TNFRSF14: variants seen among roughly 807,000 people sequenced by gnomAD.
TNFRSF14 encodes TNF receptor superfamily member 14, also known as tumor necrosis factor receptor superfamily member 14.
In TNFRSF14, 18 loss-of-function variants were observed where a neutral mutation model predicts 34.1. The observed-to-expected ratio is 0.53, with a 90% CI of 0.36 to 0.78. The LOEUF (loss-of-function observed/expected upper bound fraction) is 0.78, where lower values mean the gene tolerates loss of function less well. Among genes scored for constraint, TNFRSF14 ranks in the 30% least tolerant of loss-of-function variants. TNFRSF14 has a pLI of 0.00. For synonymous variants in TNFRSF14, 157 were observed against 153.2 expected (o/e 1.02, Z -0.18); for missense variants, 352 against 379.5 (o/e 0.93, Z 0.60).
At chr1:2,557,071 C>T (rs986015646) in intron 1 of TNFRSF14, 14 of 341,172 alleles carry the variant, frequency 4.1e-5, no homozygotes, top group African/African-American at 6.3e-5. Flanking sequence ...GCGGGGCCCT[C>T]GAGCAGGTGA....
Position 2,562,905 on chromosome 1 carries a change from C to A in TNFRSF14, c.726+9C>A, listed in dbSNP as rs762418006. Reference sequence around the variant, plus strand: ...TGATCGTCTCCGTCCAGGTATTGATCCTCCTCCCCCTCTCCCTCCCCCCTC... The same window carrying A: ...TGATCGTCTCCGTCCAGGTATTGATACTCCTCCCCCTCTCCCTCCCCCCTC... On this transcript the variant is annotated intron_variant, in intron 7 of 7. Transcript: ENST00000355716. 1.6e-5 allele frequency: 25 copies of A among 1,612,888 alleles called. No individual in the cohort carries two copies. Among genetic ancestry groups the A allele is most frequent in the Non-Finnish European group, 2.1e-5 (25 of 1,179,132 alleles).
intron 6 of TNFRSF14, chr1:2,562,126 A>C: frequency 4.7e-6 from 2 of 428,704 alleles, no homozygotes; most frequent in East Asian, 7.8e-5. Context: ...GGCCCTGCTC[A>C]GCTGGGAGAA....
chr1:2,563,185 T>C lies in TNFRSF14; in HGVS notation c.764T>C (p.Ile255Thr), dbSNP rs376143429. The change falls in exon 8 of 8, where the codon ATT (isoleucine) becomes ACT (threonine). Residue 255 changes from isoleucine to threonine, a missense_variant. Coordinates refer to ENST00000355716, the MANE Select transcript of TNFRSF14 (RefSeq NM_003820.4). Reference protein sequence around the residue: ...RQEAEGEATVIEALQAPPDVT... With the variant: ...RQEAEGEATVTEALQAPPDVT... ...GAGGCAGAAGGTGAGGCCACAGTCATTGAGGCCCTGCAGGCCCCTCCGGAC... is the reference window on the plus strand; with the variant it reads ...GAGGCAGAAGGTGAGGCCACAGTCACTGAGGCCCTGCAGGCCCCTCCGGAC... 25 of 1,613,386 alleles carry C rather than the reference T, an allele frequency of 1.5e-5. No homozygotes were observed. The highest frequency in any genetic ancestry group is 8.3e-5 in the Admixed American group (5 of 60,008).
In TNFRSF14 at chr1:2,562,865, G is replaced by A; in HGVS notation, c.695G>A (p.Gly232Asp). Residue 232 changes from glycine (G) to aspartate (D), a missense_variant and splice_region_variant, in exon 7 of 8, where the codon GGT becomes GAT. Coordinates refer to ENST00000355716, the MANE Select transcript of TNFRSF14 (RefSeq NM_003820.4). Reference sequence around the variant, plus strand: ...TGACCTGTGTGTCTGTGTATTGCAGGTGATGTAGTCAAGGTGATCGTCTCC... The same window carrying A: ...TGACCTGTGTGTCTGTGTATTGCAGATGATGTAGTCAAGGTGATCGTCTCC... ...IICVKRRKPR[G>D]DVVKVIVSVQ... 1 of 1,613,978 alleles carries A rather than the reference G, an allele frequency of 6.2e-7. No homozygotes were observed. Among genetic ancestry groups the A allele is most frequent in the Non-Finnish European group, 8.5e-7 (1 of 1,179,988 alleles).
intron 1 of TNFRSF14, chr1:2,557,105 C>T (rs1644227305): frequency 1.3e-5 from 4 of 296,810 alleles, no homozygotes; most frequent in Admixed American, 4.6e-5. Context: ...CAGCCCTGAC[C>T]TTGGTGACAG....
At chr1:2,562,621 C>A (rs1441374034) in intron 6 of TNFRSF14, 9 of 611,574 alleles carry the variant, frequency 1.5e-5, no homozygotes, top group Non-Finnish European at 2.6e-5. Context: ...GGGGCCTCAG[C>A]TGGGGAGGTG....
At chr1:2,555,434 T>G (rs1167592808), upstream of TNFRSF14, 1 of 151,896 alleles carries the variant, frequency 6.6e-6, no homozygotes, top group African/African-American at 2.4e-5. The surrounding 1 kb of genome is among the most constrained non-coding windows in gnomAD (Gnocchi z 6.3). Flanking sequence ...GTGGGCGCAA[T>G]CCCCAAGGTC....
rs200396589 is a variant in TNFRSF14 at position 2,563,316 on chromosome 1, C to G, written c.*43C>G. ...CCGACGCCAGAGATACCTGGAGCGA[C>G]GGCTGCTGAAAGAGGCTGTCCACCT... On this transcript the variant is annotated 3_prime_UTR_variant, in exon 8 of 8. Coordinates refer to ENST00000355716, the MANE Select transcript of TNFRSF14 (RefSeq NM_003820.4). The G allele has an allele frequency of 6.2e-7, 1 of 1,604,272 alleles. No individual in the cohort carries two copies. Among genetic ancestry groups the G allele is most frequent in the Non-Finnish European group, 8.5e-7 (1 of 1,173,248 alleles).
At chr1:2,557,623 C>T (rs968019304) in intron 1 of TNFRSF14, 103 bp from the exon 2 acceptor site, 41 of 846,110 alleles carry the variant, frequency 4.8e-5, no homozygotes, top group Admixed American at 1.3e-4. Context: ...GGCACTGCCG[C>T]TCCTCCCCAT....
In TNFRSF14 at chr1:2,556,669, A is replaced by T. The variant is rs757808180; in HGVS notation, c.5A>T (p.Glu2Val). The change falls in exon 1 of 8, where the codon GAG (glutamate) becomes GTG (valine). Residue 2 changes from glutamate to valine, a missense_variant. Physicochemically the swap from Glu to Val is moderately radical, Grantham distance 121. Transcript: ENST00000355716. Reference protein sequence around the residue: MEPPGDWGPPPW... With the variant: MVPPGDWGPPPW... ...CTGCCGGTCTGAGCCTGAGGCATGGAGCCTCCTGGAGACTGGGGGCCTCCT... is the reference window on the plus strand; with the variant it reads ...CTGCCGGTCTGAGCCTGAGGCATGGTGCCTCCTGGAGACTGGGGGCCTCCT... The T allele has an allele frequency of 6.2e-7, 1 of 1,609,002 alleles. No homozygotes were observed. The highest frequency in any genetic ancestry group is 2.2e-5 in the East Asian group (1 of 44,784).
Position 2,561,743 on chromosome 1 carries a change from G to A in TNFRSF14, c.622G>A (p.Gly208Arg). Residue 208 changes from glycine (G) to arginine (R), a missense_variant, in exon 6 of 8, where the codon GGG becomes AGG. Gly to Arg is a moderately radical substitution (Grantham distance 125). Transcript: ENST00000355716. The surrounding 1 kb of genome is among the most constrained non-coding windows in gnomAD (Gnocchi z 6.0). Reference sequence around the variant, plus strand: ...CCACTGGGTATGGTGGTTTCTCTCAGGGAGCCTCGTCATCGTCATTGTTTG... The same window carrying A: ...CCACTGGGTATGGTGGTTTCTCTCAAGGAGCCTCGTCATCGTCATTGTTTG... Reference protein sequence around the residue: ...SSHWVWWFLSGSLVIVIVCST... With the variant: ...SSHWVWWFLSRSLVIVIVCST... 2 of 1,613,768 alleles carry A rather than the reference G, an allele frequency of 1.2e-6. No individual in the cohort carries two copies. The highest frequency in any genetic ancestry group is 1.7e-6 in the Non-Finnish European group (2 of 1,179,998).
chr1:2,560,551 A>G (rs1011081480), intron 4 of TNFRSF14, 73 bp from the exon 5 acceptor site: 28 of 1,160,198 alleles, frequency 2.4e-5, no homozygotes, highest in Non-Finnish European at 3.4e-5. Context: ...GCTCACAGAC[A>G]AGCAGTCCCT....
chr1:2,563,196 C>A lies in TNFRSF14; in HGVS notation c.775C>A (p.Gln259Lys), dbSNP rs1419761108. 1 of 1,613,490 alleles carries A rather than the reference C, an allele frequency of 6.2e-7. No homozygotes were observed. Reference protein sequence around the residue: ...EGEATVIEALQAPPDVTTVAV... With the variant: ...EGEATVIEALKAPPDVTTVAV... ...TGAGGCCACAGTCATTGAGGCCCTGCAGGCCCCTCCGGACGTCACCACGGT... is the reference window on the plus strand; with the variant it reads ...TGAGGCCACAGTCATTGAGGCCCTGAAGGCCCCTCCGGACGTCACCACGGT... Residue 259 changes from glutamine to lysine, a missense_variant, in exon 8 of 8, where the codon CAG becomes AAG. Physicochemically the swap from Gln to Lys is moderately conservative, Grantham distance 53. Transcript: ENST00000355716.
rs775911461 is a variant in TNFRSF14, at chr1:2,557,717, C to G, written c.70-9C>G. 6.3e-7 allele frequency: 1 copy of G among 1,593,778 alleles called. No homozygotes were observed. The highest frequency in any genetic ancestry group is 8.6e-7 in the Non-Finnish European group (1 of 1,168,374). ...GGGCATCTCCCAATGCCTGTCCTGA[C>G]CCCCTTAGGTGCTGTATCTCACCTT... On this transcript the variant is annotated splice_polypyrimidine_tract_variant and intron_variant, in intron 1 of 7. Transcript: ENST00000355716.
chr1:2,561,475 T>C lies in TNFRSF14; in HGVS notation c.552-198T>C. 6.7e-7 allele frequency: 1 copy of C among 1,503,140 alleles called. No individual in the cohort carries two copies. Among genetic ancestry groups the C allele is most frequent in the South Asian group, 1.3e-5 (1 of 78,998 alleles). 93.1% of individuals were successfully genotyped at this position (1,503,140 alleles called of 1,614,324 possible). On this transcript the variant is annotated intron_variant, in intron 5 of 7. Coordinates refer to ENST00000355716, the MANE Select transcript of TNFRSF14 (RefSeq NM_003820.4). The surrounding 1 kb of genome is among the most constrained non-coding windows in gnomAD (Gnocchi z 6.0). ...CCTTGTTTCTCTTCTCCTCCTTCCT[T>C]CTCTCCACCTCCCCATAGCCGAGCT...
In TNFRSF14 at chr1:2,563,547, G is replaced by A. The variant is rs911518381; in HGVS notation, c.*274G>A. ...TGAGGAGGAGCGCCAGTTGCCCCTCGCTCACAGACCACACACCCAGCCCTC... is the reference window on the plus strand; with the variant it reads ...TGAGGAGGAGCGCCAGTTGCCCCTCACTCACAGACCACACACCCAGCCCTC... On this transcript the variant is annotated 3_prime_UTR_variant, in exon 8 of 8. Coordinates refer to ENST00000355716, the MANE Select transcript of TNFRSF14 (RefSeq NM_003820.4). 12 of 439,390 alleles carry A rather than the reference G, an allele frequency of 2.7e-5. No individual in the cohort carries two copies. The highest frequency in any genetic ancestry group is 1.9e-4 in the Admixed American group (5 of 25,902). 27.2% of individuals were successfully genotyped at this position (439,390 alleles called of 1,614,324 possible).
chr1:2,560,500 C>G (rs17847980), intron 4 of TNFRSF14, 124 bp from the exon 5 acceptor site: 2 of 675,654 alleles, frequency 3.0e-6, no homozygotes, highest in Non-Finnish European at 5.1e-6. Flanking sequence ...TGCCCCTCCC[C>G]GCTGGTCCTC....
intron 4 of TNFRSF14, 104 bp from the exon 5 acceptor site, chr1:2,560,520 G>A (rs1009423440): frequency 9.9e-6 from 8 of 804,782 alleles, no homozygotes; most frequent in South Asian, 3.3e-5. Flanking sequence ...CCCATCACCC[G>A]TAGAGCACCC....
chr1:2,556,448 C>A lies in TNFRSF14; in HGVS notation c.-217C>A. On this transcript the variant is annotated 5_prime_UTR_variant, in exon 1 of 8. Transcript: ENST00000355716. The stretch of plus-strand genomic sequence containing the variant: ...CCCACCTGTGTCCCCCAGCGCCGCT[C>A]CACCCAGCAGGCCTGAGCCCCTCTC... 2.9e-6 allele frequency: 2 copies of A among 700,928 alleles called. No individual in the cohort carries two copies. Among genetic ancestry groups the A allele is most frequent in the East Asian group, 5.4e-5 (2 of 37,108 alleles). 43.4% of individuals were successfully genotyped at this position (700,928 alleles called of 1,614,324 possible).
Sources: gnomAD v4.1 joint callset for allele counts on GRCh38, gnomAD v4.1.1 for gene constraint, Gnocchi (gnomAD v3.1) non-coding constraint, MANE v1.5 for transcripts, NCBI Gene and HGNC (gene_info 2026-07-23, HGNC 2026-07-21) for gene names.